The following GRIA4 variants were observed in gnomAD, a reference collection of about 807,000 sequenced individuals.
GRIA4 encodes the protein glutamate receptor 4.
Under a neutral mutation model 104.0 loss-of-function variants are expected in GRIA4, and 34 were observed. That is an observed-to-expected ratio of 0.33 (90% CI 0.25 to 0.44). GRIA4 has a LOEUF of 0.44. Among genes scored for constraint, GRIA4 ranks in the 20% least tolerant of loss-of-function variants. The pLI is 1.00. For missense variants in GRIA4, 750 were observed against 1,096.5 expected, an observed-to-expected ratio of 0.68 and a Z score of 4.46; for synonymous variants, 386 against 381.9, an observed-to-expected ratio of 1.01 and a Z score of -0.13.
intron 7 of GRIA4, among the ~76,000 whole-genome samples, chr11:105,900,460 G>T (rs934708433): frequency 6.6e-6 from 1 of 152,068 alleles, no homozygotes; most frequent in Non-Finnish European, 1.5e-5. Context: ...CACTCCCTGT[G>T]CACGTGCTTC....
chr11:105,926,487 C>T (rs1430701974), intron 12 of GRIA4, among the ~76,000 whole-genome samples: 1 of 152,050 alleles, frequency 6.6e-6, no homozygotes, highest in Non-Finnish European at 1.5e-5. Context: ...TTAAGTTTTA[C>T]ATTTCTGCCA....
intron 14 of GRIA4, among the ~76,000 whole-genome samples, chr11:105,956,164 C>T (rs1010291009): frequency 1.5e-3 from 1 of 674 alleles, no homozygotes; most frequent in African/African-American, 2.6e-3. Context: ...GCACAATATG[C>T]AGGTTACATA....
intron 10 of GRIA4, chr11:105,913,111 G>T: frequency 2.8e-6 from 2 of 701,880 alleles, no homozygotes; most frequent in Non-Finnish European, 3.5e-6. Flanking sequence ...GAGAAATTCA[G>T]TTATTCATAA....
intron 14 of GRIA4, among the ~76,000 whole-genome samples, chr11:105,943,833 A>T (rs570735464): frequency 3.6e-4 from 55 of 152,040 alleles, no homozygotes; most frequent in Admixed American, 7.2e-4. Flanking sequence ...CAGCTTTACC[A>T]TCTCTGCAGG....
chr11:105,957,310 G>C (rs1325463968), intron 14 of GRIA4, among the ~76,000 whole-genome samples: 6 of 152,152 alleles, frequency 3.9e-5, no homozygotes, highest in African/African-American at 1.4e-4. Flanking sequence ...AAGGGATCCA[G>C]TTTCAGCTTT....
chr11:105,901,624 C>T (rs1224736167), intron 7 of GRIA4, among the ~76,000 whole-genome samples: 1 of 152,142 alleles, frequency 6.6e-6, no homozygotes, highest in East Asian at 1.9e-4. Context: ...ACTACTTTTT[C>T]TTTCCGTCTA....
chr11:105,858,638 C>T (rs1295364800), intron 4 of GRIA4, among the ~76,000 whole-genome samples: 2 of 152,072 alleles, frequency 1.3e-5, no homozygotes, highest in Non-Finnish European at 2.9e-5. Context: ...TACCTATTAA[C>T]CATCCCCATT....
Position 105,753,033 on chromosome 11 carries a change from G to A in GRIA4, c.300G>A (p.Lys100=). ...GVFAIFGLYD[K]RSVHTLTSFC... ...TTGCCATTTTTGGACTCTATGATAA[G>A]AGGTCGGTACATACCTTGACCTCAT... The change falls in exon 4 of 17, where the codon AAG becomes AAA. Residue 100 remains lysine (K), a synonymous_variant. Transcript: ENST00000282499. 6.2e-7 allele frequency: 1 copy of A among 1,613,344 alleles called. No homozygotes were observed. The highest frequency in any genetic ancestry group is 2.2e-5 in the East Asian group (1 of 44,818).
At chr11:105,763,577 C>T (rs913618438) in intron 4 of GRIA4, among the ~76,000 whole-genome samples, 2 of 152,034 alleles carry the variant, frequency 1.3e-5, no homozygotes, top group African/African-American at 4.8e-5. Flanking sequence ...ATCTAAAGAC[C>T]GTAGTCACAA....
chr11:105,845,180 ACTCT>A (rs1944538469), intron 4 of GRIA4, among the ~76,000 whole-genome samples: 1 of 151,690 alleles, frequency 6.6e-6, no homozygotes, highest in Non-Finnish European at 1.5e-5. Flanking sequence ...GATGTCAAAG[ACTCT>A]CTCATTCATG....
rs182742028 is a variant in GRIA4 at position 105,919,802 on chromosome 11, A to G, written c.1476+884A>G. Among the ~76,000 whole-genome samples the G allele has an allele frequency of 3.3e-5, 5 of 152,306 alleles. No individual in the cohort carries two copies. The East Asian group carries it at 7.7e-4, about 23-fold the overall frequency. ...CATCGAGTAACCAATGAAGTAACACATACTCGAAATGTAATATGAAATTTC... is the reference window on the plus strand; with the variant it reads ...CATCGAGTAACCAATGAAGTAACACGTACTCGAAATGTAATATGAAATTTC... On this transcript the variant is annotated intron_variant, in intron 11 of 16. Transcript: ENST00000282499.
At chr11:105,712,967 T>C (rs1339060386) in intron 3 of GRIA4, among the ~76,000 whole-genome samples, 1 of 152,140 alleles carries the variant, frequency 6.6e-6, no homozygotes, top group East Asian at 1.9e-4. Context: ...TTTTAATACA[T>C]GATGAGATAT....
chr11:105,971,383 C>T (rs553975194), intron 14 of GRIA4, among the ~76,000 whole-genome samples: 10 of 152,222 alleles, frequency 6.6e-5, no homozygotes, highest in Middle Eastern at 3.4e-3. Flanking sequence ...TGAAATCACC[C>T]ACCTTTTTCA....
intron 3 of GRIA4, among the ~76,000 whole-genome samples, chr11:105,737,528 T>C (rs1939030343): frequency 6.6e-6 from 1 of 152,104 alleles, no homozygotes; most frequent in South Asian, 2.1e-4. Context: ...TGCAATCTTA[T>C]TGTTCTGAGT....
At chr11:105,870,058 A>G (rs549737164) in intron 5 of GRIA4, among the ~76,000 whole-genome samples, 2 of 152,094 alleles carry the variant, frequency 1.3e-5, no homozygotes, top group Admixed American at 6.6e-5. Flanking sequence ...CATATATACC[A>G]AAGAGTTCTA....
chr11:105,686,450 A>G (rs192536938), intron 3 of GRIA4, among the ~76,000 whole-genome samples: 1 of 152,292 alleles, frequency 6.6e-6, no homozygotes, highest in East Asian at 1.9e-4. Context: ...TATAGGTACC[A>G]CATTGTCTTT....
chr11:105,833,087 C>A (rs1303995820), intron 4 of GRIA4, among the ~76,000 whole-genome samples: 1 of 151,876 alleles, frequency 6.6e-6, no homozygotes, highest in Non-Finnish European at 1.5e-5. Context: ...TTCAGCACTC[C>A]CTTATCAGAA....
intron 3 of GRIA4, among the ~76,000 whole-genome samples, chr11:105,692,758 A>G (rs751181602): frequency 4.6e-5 from 7 of 152,240 alleles, no homozygotes; most frequent in Admixed American, 1.3e-4. Flanking sequence ...CTCATCTGTA[A>G]CACATAAACT....
In GRIA4 at chr11:105,926,912, T is replaced by C; in HGVS notation, c.2019T>C (p.Asp673=). ...CAGAAATTGCCTATGGAACACTGGA[T>C]TCAGGATCAACAAAAGAATTCTTCA... ...KQTEIAYGTL[D]SGSTKEFFRR... is the part of the protein sequence containing the mutation. Residue 673 remains aspartate, a synonymous_variant, in exon 13 of 17, where the codon GAT becomes GAC. Coordinates refer to ENST00000282499, the MANE Select transcript of GRIA4 (RefSeq NM_000829.4). 22 of 1,610,718 alleles carry C rather than the reference T, an allele frequency of 1.4e-5. No homozygotes were observed. The highest frequency in any genetic ancestry group is 1.9e-5 in the Non-Finnish European group (22 of 1,177,358).
Sources: gnomAD v4.1 joint callset for allele counts (sites outside exome capture counted in the v4.1 genomes callset) on GRCh38, gnomAD v4.1.1 for gene constraint, MANE v1.5 for transcripts, NCBI Gene and HGNC (gene_info 2026-07-23, HGNC 2026-07-21) for gene names.